Variants in SMG1 observed in about 807,000 individuals in gnomAD.
The protein encoded by SMG1 is SMG1 nonsense mediated mRNA decay associated PI3K related kinase.
Under a neutral mutation model 419.9 loss-of-function variants are expected in SMG1, and 22 were observed. The observed-to-expected ratio is 0.05, with a 90% CI of 0.04 to 0.07. SMG1 has a LOEUF of 0.07. SMG1 is among the 10% of genes least tolerant of loss of function. The probability of loss-of-function intolerance (pLI) is 1.00; values close to 1 mark genes in which losing one functional copy is unlikely to be tolerated. For synonymous variants in SMG1, 1,538 were observed against 1,553.5 expected (o/e 0.99, Z 0.23); for missense variants, 3,185 against 4,342.0 (o/e 0.73, Z 7.49).
chr16:18,860,207 A>G (rs987283065), intron 26 of SMG1, among the ~76,000 whole-genome samples: 2 of 152,172 alleles, frequency 1.3e-5, no homozygotes, highest in East Asian at 1.9e-4. Flanking sequence ...AACAGAGTGA[A>G]ACTCTGTCTC....
At chr16:18,833,948 T>C (rs2033379781) in intron 50 of SMG1, among the ~76,000 whole-genome samples, 1 of 152,230 alleles carries the variant, frequency 6.6e-6, no homozygotes, top group Non-Finnish European at 1.5e-5. Flanking sequence ...TGTACCATAT[T>C]TGTCCATTTG....
chr16:18,847,284 A>T (rs2034322083), intron 38 of SMG1, among the ~76,000 whole-genome samples, 169 bp downstream of exon 38: 5 of 152,222 alleles, frequency 3.3e-5, no homozygotes, highest in African/African-American at 7.2e-5. Flanking sequence ...TGCTTAATAT[A>T]ATGAATAAGT....
intron 3 of SMG1, among the ~76,000 whole-genome samples, chr16:18,894,451 TGAA>T (rs1333588579): frequency 1.3e-5 from 2 of 152,164 alleles, no homozygotes; most frequent in African/African-American, 2.4e-5. Flanking sequence ...CCTGAGCCTT[TGAA>T]GAAGAGGAAT....
chr16:18,886,218 G>A (rs7191476), intron 6 of SMG1, among the ~76,000 whole-genome samples: 146,234 of 151,936 alleles, frequency 0.96, 70,579 homozygotes, highest in African/African-American at 0.99. Context: ...TTTGCAATCC[G>A]AAATATAAAG....
chr16:18,809,563 T>G lies in SMG1; in HGVS notation c.*6A>C. ...GCTTAACCAGACTCATCTACTGTCTTGCCATTCACACCCAGGCTGTCCAAC... is the reference window on the plus strand; with the variant it reads ...GCTTAACCAGACTCATCTACTGTCTGGCCATTCACACCCAGGCTGTCCAAC... On this transcript the variant is annotated 3_prime_UTR_variant, in exon 63 of 63. Coordinates refer to ENST00000446231, the MANE Select transcript of SMG1 (RefSeq NM_015092.5). 10 of 1,608,470 alleles carry G rather than the reference T, an allele frequency of 6.2e-6. No individual in the cohort carries two copies. The highest frequency in any genetic ancestry group is 8.5e-6 in the Non-Finnish European group (10 of 1,176,622).
Position 18,835,134 on chromosome 16 carries a change from G to C in SMG1, c.8088C>G (p.Pro2696=). 2 of 1,612,288 alleles carry C rather than the reference G, an allele frequency of 1.2e-6. No homozygotes were observed. The highest frequency in any genetic ancestry group is 1.7e-6 in the Non-Finnish European group (2 of 1,178,446). The change falls in exon 49 of 63, where the codon CCC becomes CCG. Residue 2696 remains proline, a synonymous_variant. Transcript: ENST00000446231. ...CAGTGATGAACTGACACACTGTTGG[G>C]GGTGGCTGGGGAGCATATTGCATTT... The part of the protein sequence containing the change: ...KYEMQYAPQP[P]PTVCQFITAT...
At chr16:18,915,347 C>T (rs1176565699) in intron 1 of SMG1, among the ~76,000 whole-genome samples, 1 of 152,118 alleles carries the variant, frequency 6.6e-6, no homozygotes, top group African/African-American at 2.4e-5. Flanking sequence ...TTTGAGCCTG[C>T]TCAGTTTGTT....
At position 18,926,008 on chromosome 16, in the gene SMG1, T is replaced by C. The variant is rs190057031; in HGVS notation, c.34A>G (p.Ser12Gly). ...SRRAPGSRLS[S>G]GGGGGGTKYP... The stretch of plus-strand genomic sequence containing the variant: ...TTGGTGCCGCCGCCGCCGCCGCCGC[T>C]GCTCAGCCGAGACCCCGGGGCTCTG... Residue 12 changes from serine to glycine, a missense_variant, in exon 1 of 63, where the codon AGC (serine) becomes GGC (glycine). Physicochemically the swap from Ser to Gly is moderately conservative, Grantham distance 56. This residue lies in a region of SMG1 where 88 missense variants were observed against 85.9 expected (regional missense o/e 1.02). Transcript: ENST00000446231. The C allele has an allele frequency of 4.2e-3, 6,609 of 1,578,282 alleles. 16 individuals are homozygous for C. The highest frequency in any genetic ancestry group is 5.0e-3 in the Non-Finnish European group (5,892 of 1,168,556).
intron 33 of SMG1, among the ~76,000 whole-genome samples, chr16:18,851,482 C>T (rs1221284607): frequency 1.3e-5 from 2 of 152,246 alleles, no homozygotes; most frequent in Non-Finnish European, 2.9e-5. Context: ...TAAAAGCTCA[C>T]AACCAAGGAT....
intron 41 of SMG1, among the ~76,000 whole-genome samples, chr16:18,840,670 G>C (rs1221507440): frequency 6.6e-6 from 1 of 152,046 alleles, no homozygotes; most frequent in Non-Finnish European, 1.5e-5. Flanking sequence ...ATACAAAATA[G>C]GATGCCATGG....
chr16:18,853,710 G>A lies in SMG1; in HGVS notation c.4641C>T (p.Tyr1547=). The A allele has an allele frequency of 6.2e-7, 1 of 1,613,904 alleles. No individual in the cohort carries two copies. The highest frequency in any genetic ancestry group is 8.5e-7 in the Non-Finnish European group (1 of 1,179,854). ...KEISGQLKQV[Y]RAQHQQNFTG... Reference sequence around the variant, plus strand: ...TGAAGTTCTGTTGGTGCTGAGCTCTGTAAACCTGTTTCAGCTGTCCTGAAA... The same window carrying A: ...TGAAGTTCTGTTGGTGCTGAGCTCTATAAACCTGTTTCAGCTGTCCTGAAA... Residue 1547 remains tyrosine, a synonymous_variant, in exon 31 of 63, where the codon TAC becomes TAT. Transcript: ENST00000446231.
chr16:18,926,005 C>CGCT lies in SMG1; in HGVS notation c.34_36dup (p.Ser12dup), dbSNP rs773997323. 7.6e-6 allele frequency: 12 copies of CGCT among 1,570,480 alleles called. No individual in the cohort carries two copies. The highest frequency in any genetic ancestry group is 3.5e-5 in the Admixed American group (2 of 56,656). ...TACTTGGTGCCGCCGCCGCCGCCGC[C>CGCT]GCTGCTCAGCCGAGACCCCGGGGCT... On this transcript the variant is annotated inframe_insertion, in exon 1 of 63. Transcript: ENST00000446231.
chr16:18,904,485 A>T (rs1053062402), intron 1 of SMG1, among the ~76,000 whole-genome samples: 3 of 149,496 alleles, frequency 2.0e-5, no homozygotes, highest in Admixed American at 2.0e-4. Context: ...TAGAAAAAAT[A>T]AAATTACCTG....
At chr16:18,864,317 T>G (rs970205430) in intron 23 of SMG1, among the ~76,000 whole-genome samples, 173 bp from the exon 24 acceptor site, 1 of 147,636 alleles carries the variant, frequency 6.8e-6, no homozygotes, top group African/African-American at 2.5e-5. Flanking sequence ...CACCTCAGCC[T>G]CCTGAGTAGC....
chr16:18,865,178 T>C (rs543798713), intron 23 of SMG1, among the ~76,000 whole-genome samples: 9 of 152,162 alleles, frequency 5.9e-5, no homozygotes, highest in South Asian at 2.1e-4. Flanking sequence ...ACAGGAAAAA[T>C]TGAGAGGCCA....
Position 18,808,179 on chromosome 16 carries a change from G to T in SMG1, c.*1390C>A, listed in dbSNP as rs1466316490. 6.7e-6 allele frequency: 1 copy of T among 150,076 alleles called. No individual in the cohort carries two copies. Among genetic ancestry groups the T allele is most frequent in the Non-Finnish European group, 1.5e-5 (1 of 67,660 alleles). The allele number at this position is 150,076 out of a possible 1,614,324, so 9.3% of individuals were successfully genotyped here. A position where few individuals can be genotyped will look rare whatever the true frequency, so the allele number is the denominator to read the frequency against. On this transcript the variant is annotated 3_prime_UTR_variant, in exon 63 of 63. Transcript: ENST00000446231. ...TAGCTTACACAGTCAGTACTGAAATGCAATGCTAAATTTAAGGAAACCTTG... is the reference window on the plus strand; with the variant it reads ...TAGCTTACACAGTCAGTACTGAAATTCAATGCTAAATTTAAGGAAACCTTG...
intron 1 of SMG1, among the ~76,000 whole-genome samples, chr16:18,924,354 C>T (rs1266660049): frequency 3.3e-5 from 5 of 152,238 alleles, no homozygotes; most frequent in Non-Finnish European, 7.3e-5. Context: ...GAACTACCAA[C>T]TACAATTTAC....
At chr16:18,909,999 A>G (rs1162800791) in intron 1 of SMG1, among the ~76,000 whole-genome samples, 1 of 149,520 alleles carries the variant, frequency 6.7e-6, no homozygotes, top group Non-Finnish European at 1.5e-5. Flanking sequence ...ATTCCCTTTT[A>G]CAAGAAAAAA....
At chr16:18,814,067 AT>A (rs1158714788) in intron 60 of SMG1, among the ~76,000 whole-genome samples, 2,273 of 147,640 alleles carry the variant, frequency 0.015, 71 homozygotes, top group African/African-American at 0.053. Context: ...TTAAAAAAAA[AT>A]AAAATAAAAT....
Sources: allele counts gnomAD v4.1 joint callset (sites outside exome capture counted in the v4.1 genomes callset), GRCh38; gene constraint gnomAD v4.1.1; regional missense constraint gnomAD v4.1.1; transcripts MANE v1.5; gene names NCBI Gene and HGNC (gene_info 2026-07-23, HGNC 2026-07-21).